GALNT13: variants seen among roughly 807,000 people sequenced by gnomAD.
GALNT13 encodes the protein polypeptide N-acetylgalactosaminyltransferase 13.
Under a neutral mutation model 64.2 loss-of-function variants are expected in GALNT13, and 28 were observed. The observed-to-expected ratio is 0.44, with a 90% confidence interval of 0.32 to 0.60. GALNT13 has a LOEUF of 0.60. Among genes scored for constraint, GALNT13 ranks in the 20% least tolerant of loss-of-function variants. The pLI, the probability that GALNT13 is intolerant of heterozygous loss-of-function variation, is 0.05. For missense variants in GALNT13, 577 were observed against 669.8 expected (o/e 0.86, Z 1.53); for synonymous variants, 214 against 224.6 (o/e 0.95, Z 0.42).
intron 3 of GALNT13, among the ~76,000 whole-genome samples, chr2:153,994,962 A>G (rs1180602805): frequency 6.6e-6 from 1 of 152,002 alleles, no homozygotes; most frequent in Non-Finnish European, 1.5e-5. Context: ...TTGATCAACA[A>G]TTTCTGTATA....
At chr2:153,690,385 C>T in the GALNT13 span, among the ~76,000 whole-genome samples, 73 of 152,232 alleles carry the variant, frequency 4.8e-4, no homozygotes, top group African/African-American at 1.8e-3. Context: ...AGTCAAGCCT[C>T]TCTGATCCAA....
chr2:153,902,203 C>A (rs1241456758), intron 2 of GALNT13, among the ~76,000 whole-genome samples: 1 of 152,046 alleles, frequency 6.6e-6, no homozygotes, highest in South Asian at 2.1e-4. Flanking sequence ...AAGATTATTG[C>A]TCTAAAATTG....
the GALNT13 span, among the ~76,000 whole-genome samples, chr2:153,205,880 T>A: frequency 6.6e-6 from 1 of 152,022 alleles, no homozygotes; most frequent in African/African-American, 2.4e-5. Flanking sequence ...CCAGACTAAA[T>A]TATTATTAAT....
intron 2 of GALNT13, 39 bp from the exon 3 acceptor site, chr2:153,944,355 T>C (rs1368504333): frequency 1.6e-6 from 1 of 644,838 alleles, no homozygotes; most frequent in African/African-American, 1.8e-5. Context: ...AAAATCTATG[T>C]GTACAATTAA....
At chr2:154,180,162 G>T (rs982105758) in intron 4 of GALNT13, among the ~76,000 whole-genome samples, 7 of 152,068 alleles carry the variant, frequency 4.6e-5, no homozygotes, top group Non-Finnish European at 1.0e-4. Flanking sequence ...AAAATAATTT[G>T]TGACATCTGT....
chr2:153,963,003 A>G (rs932511120), intron 3 of GALNT13, among the ~76,000 whole-genome samples: 3 of 152,324 alleles, frequency 2.0e-5, no homozygotes, highest in Admixed American at 6.5e-5. Context: ...CTATAACAGA[A>G]CACATGGGAC....
chr2:153,664,216 C>G, the GALNT13 span, among the ~76,000 whole-genome samples: 1 of 152,178 alleles, frequency 6.6e-6, no homozygotes, highest in Non-Finnish European at 1.5e-5. Flanking sequence ...TATCTTCAAC[C>G]ACGTAAGACA....
At chr2:153,827,094 G>A in the GALNT13 span, among the ~76,000 whole-genome samples, 3 of 151,986 alleles carry the variant, frequency 2.0e-5, no homozygotes, top group Non-Finnish European at 4.4e-5. Context: ...GATTGTAGAG[G>A]CCTTACAATC....
At chr2:153,950,058 A>G (rs767955752) in intron 3 of GALNT13, among the ~76,000 whole-genome samples, 1 of 64,526 alleles carries the variant, frequency 1.5e-5, no homozygotes, top group African/African-American at 6.7e-5. Flanking sequence ...AACATAAAAA[A>G]ATTACTGCAA....
chr2:153,770,028 T>G, the GALNT13 span, among the ~76,000 whole-genome samples: 1 of 152,198 alleles, frequency 6.6e-6, no homozygotes, highest in Non-Finnish European at 1.5e-5. Context: ...TTTAGCTTCT[T>G]TAAAATGAAC....
intron 3 of GALNT13, among the ~76,000 whole-genome samples, chr2:154,067,323 C>T (rs1238539889): frequency 1.3e-5 from 2 of 151,978 alleles, no homozygotes; most frequent in Non-Finnish European, 2.9e-5. Context: ...ACTAAACTCT[C>T]CAATCAAAAG....
intron 4 of GALNT13, among the ~76,000 whole-genome samples, chr2:154,153,468 A>C (rs1158380275): frequency 6.6e-6 from 1 of 152,196 alleles, no homozygotes; most frequent in African/African-American, 2.4e-5. Context: ...AAGCTGTCAG[A>C]CAGGGACATT....
the GALNT13 span, among the ~76,000 whole-genome samples, chr2:153,776,509 A>G: frequency 1.3e-3 from 196 of 152,306 alleles, no homozygotes; most frequent in African/African-American, 4.4e-3. Context: ...ACAGCTATTA[A>G]GTTATTTTTT....
chr2:153,774,812 A>G, the GALNT13 span, among the ~76,000 whole-genome samples: 1 of 152,196 alleles, frequency 6.6e-6, no homozygotes, highest in Non-Finnish European at 1.5e-5. Flanking sequence ...CAAGTGGTTG[A>G]GGCAGGAGGA....
the GALNT13 span, among the ~76,000 whole-genome samples, chr2:153,710,423 A>G: frequency 9.2e-5 from 14 of 152,242 alleles, no homozygotes; most frequent in African/African-American, 1.9e-4. Flanking sequence ...TCTCGATACT[A>G]TTATGAAAAT....
At chr2:153,516,299 C>A in the GALNT13 span, among the ~76,000 whole-genome samples, 1 of 152,052 alleles carries the variant, frequency 6.6e-6, no homozygotes, top group Admixed American at 6.5e-5. Flanking sequence ...TAAACAAACA[C>A]CTGTAGAATG....
chr2:153,564,937 G>C, the GALNT13 span, among the ~76,000 whole-genome samples: 11 of 152,236 alleles, frequency 7.2e-5, no homozygotes, highest in African/African-American at 2.2e-4. Context: ...CCTATGGAGC[G>C]GGCCGCATGG....
the GALNT13 span, among the ~76,000 whole-genome samples, chr2:153,536,663 A>T: frequency 6.6e-6 from 1 of 152,194 alleles, no homozygotes; most frequent in Admixed American, 6.5e-5. Context: ...TTTAACTAAT[A>T]TTCATTAGCA....
the GALNT13 span, among the ~76,000 whole-genome samples, chr2:153,507,570 T>C: frequency 1.3e-5 from 2 of 152,260 alleles, no homozygotes; most frequent in South Asian, 2.1e-4. Flanking sequence ...TGAACCACCA[T>C]GCCCAGGTGA....
Sources: allele counts gnomAD v4.1 joint callset (sites outside exome capture counted in the v4.1 genomes callset), GRCh38; gene constraint gnomAD v4.1.1; transcripts MANE v1.5; gene names NCBI Gene and HGNC (gene_info 2026-07-23, HGNC 2026-07-21).